Variants in ADAM12 observed in about 807,000 individuals in gnomAD.
The protein encoded by ADAM12 is disintegrin and metalloproteinase domain-containing protein 12.
A neutral mutation model predicts 106.4 loss-of-function variants in ADAM12; 70 were observed. That is an observed-to-expected ratio of 0.66 (90% confidence interval 0.54 to 0.80). ADAM12 has a LOEUF of 0.80. ADAM12 is among the 30% of genes least tolerant of loss of function. The probability of loss-of-function intolerance (pLI) is 0.00; values close to 1 mark genes in which losing one functional copy is unlikely to be tolerated. For synonymous variants in ADAM12, 420 were observed against 433.5 expected, an observed-to-expected ratio of 0.97 and a Z score of 0.39; for missense variants, 1,010 against 1,171.9, an observed-to-expected ratio of 0.86 and a Z score of 2.02.
At chr10:126,143,883 G>A (rs1241932292) in intron 4 of ADAM12, among the ~76,000 whole-genome samples, 1 of 152,130 alleles carries the variant, frequency 6.6e-6, no homozygotes, top group Non-Finnish European at 1.5e-5. Context: ...GTTTGCTTGA[G>A]ACTAAAACAA....
At chr10:126,086,683 ATATATAT>A (rs1955360246) in intron 11 of ADAM12, among the ~76,000 whole-genome samples, 1 of 50,916 alleles carries the variant, frequency 2.0e-5, no homozygotes, top group Non-Finnish European at 3.0e-5. Context: ...AAAAAAAAAT[ATATATAT>A]ATATATATAT....
intron 3 of ADAM12, among the ~76,000 whole-genome samples, chr10:126,186,637 AG>A (rs1359722539): frequency 2.0e-5 from 3 of 151,336 alleles, no homozygotes; most frequent in African/African-American, 4.9e-5. Context: ...TGGGCCATAG[AG>A]GGGGGCAGGA....
At chr10:126,279,025 T>G (rs1240369912) in intron 2 of ADAM12, 37 bp from the exon 3 acceptor site, 1 of 1,529,966 alleles carries the variant, frequency 6.5e-7, no homozygotes, top group Non-Finnish European at 9.0e-7. Flanking sequence ...TGAAAAACGC[T>G]TGGCTTTGAT....
intron 3 of ADAM12, among the ~76,000 whole-genome samples, chr10:126,164,838 T>C (rs1297220456): frequency 6.6e-6 from 1 of 152,178 alleles, no homozygotes; most frequent in African/African-American, 2.4e-5. Flanking sequence ...TATGAAAAGA[T>C]CAGACAGTTG....
At chr10:126,158,820 C>A (rs539664154) in intron 3 of ADAM12, among the ~76,000 whole-genome samples, 1 of 136,180 alleles carries the variant, frequency 7.3e-6, no homozygotes, top group Non-Finnish European at 1.5e-5. Flanking sequence ...GGGGAGGATG[C>A]GCAGAGCACG....
intron 5 of ADAM12, among the ~76,000 whole-genome samples, chr10:126,124,897 A>AAAC (rs1956176024): frequency 6.9e-6 from 1 of 145,432 alleles, no homozygotes; most frequent in Non-Finnish European, 1.5e-5. Context: ...CACCGTCTCA[A>AAAC]AAAAAAAAAA....
intron 3 of ADAM12, among the ~76,000 whole-genome samples, chr10:126,276,741 G>C (rs549484551): frequency 4.8e-4 from 73 of 152,282 alleles, no homozygotes; most frequent in Non-Finnish European, 9.4e-4. Context: ...GTTGCAAAGA[G>C]AGAAATAAAT....
intron 12 of ADAM12, among the ~76,000 whole-genome samples, chr10:126,069,137 T>C (rs1215533815): frequency 2.0e-5 from 3 of 152,148 alleles, no homozygotes; most frequent in Admixed American, 2.0e-4. Flanking sequence ...AGAACCCAGG[T>C]TAACAAGTCT....
intron 3 of ADAM12, among the ~76,000 whole-genome samples, chr10:126,238,397 T>G (rs1449704074): frequency 6.6e-6 from 1 of 152,162 alleles, no homozygotes; most frequent in Non-Finnish European, 1.5e-5. Context: ...GAGAATCGCT[T>G]GAACCCAGGA....
At chr10:126,289,295 C>T (rs1960035700) in intron 2 of ADAM12, among the ~76,000 whole-genome samples, 1 of 152,258 alleles carries the variant, frequency 6.6e-6, no homozygotes, top group African/African-American at 2.4e-5. Flanking sequence ...TCTGCCAGCA[C>T]CTGGCTGCCT....
chr10:126,336,985 G>A (rs975008450), intron 1 of ADAM12, among the ~76,000 whole-genome samples: 4 of 152,288 alleles, frequency 2.6e-5, no homozygotes, highest in South Asian at 2.1e-4. Flanking sequence ...ACAGAGGGCC[G>A]GCAAGAGGAT....
intron 13 of ADAM12, 91 bp from the exon 14 acceptor site, chr10:126,065,092 A>T: frequency 7.5e-7 from 1 of 1,339,882 alleles, no homozygotes; most frequent in Non-Finnish European, 1.0e-6. Flanking sequence ...GGACAAGGCC[A>T]TAAGTCCCAC....
chr10:126,321,543 C>T (rs1172518196), intron 2 of ADAM12, among the ~76,000 whole-genome samples: 1 of 152,138 alleles, frequency 6.6e-6, no homozygotes, highest in Non-Finnish European at 1.5e-5. Context: ...AGTACAATAC[C>T]TTGGCCTGCT....
chr10:126,366,547 G>C (rs1016837823), intron 1 of ADAM12, among the ~76,000 whole-genome samples: 1 of 152,028 alleles, frequency 6.6e-6, no homozygotes, highest in African/African-American at 2.4e-5. Context: ...AACAGTAAAA[G>C]ACAGCAAGAT....
intron 10 of ADAM12, among the ~76,000 whole-genome samples, chr10:126,096,599 T>C (rs185229785): frequency 2.0e-5 from 3 of 152,374 alleles, no homozygotes; most frequent in Non-Finnish European, 4.4e-5. Context: ...GGTCCTCTAA[T>C]GAAGCACAGT....
chr10:126,300,530 A>G (rs1960573926), intron 2 of ADAM12, among the ~76,000 whole-genome samples: 2 of 152,238 alleles, frequency 1.3e-5, no homozygotes, highest in Admixed American at 1.3e-4. Context: ...TACAGCAATA[A>G]TCAATCATGG....
intron 11 of ADAM12, among the ~76,000 whole-genome samples, chr10:126,079,244 A>C (rs1203770987): frequency 7.2e-5 from 11 of 152,152 alleles, no homozygotes; most frequent in East Asian, 1.9e-4. Context: ...GCACATTCAC[A>C]ATGTTGTGTA....
At chr10:126,233,832 T>C (rs1036790699) in intron 3 of ADAM12, among the ~76,000 whole-genome samples, 10 of 152,198 alleles carry the variant, frequency 6.6e-5, no homozygotes, top group Non-Finnish European at 1.5e-4. Context: ...TGATAACAGA[T>C]GAAGTAAGTG....
chr10:126,135,541 T>C, intron 5 of ADAM12, 43 bp downstream of exon 5: 3 of 1,577,844 alleles, frequency 1.9e-6, no homozygotes, highest in Non-Finnish European at 1.7e-6. Flanking sequence ...TTGCCTGCAG[T>C]AGATGGCTGA....
Sources: gnomAD v4.1 joint callset for allele counts (sites outside exome capture counted in the v4.1 genomes callset) on GRCh38, gnomAD v4.1.1 for gene constraint, MANE v1.5 for transcripts, NCBI Gene and HGNC (gene_info 2026-07-23, HGNC 2026-07-21) for gene names.